The following KIFAP3 variants were observed in gnomAD, a reference collection of about 807,000 sequenced individuals.
KIFAP3 encodes the protein kinesin-associated protein 3.
Under a neutral mutation model 106.5 loss-of-function variants are expected in KIFAP3, and 68 were observed. The ratio of observed to expected loss-of-function variants is 0.64; its 90% CI spans 0.53 to 0.78. The LOEUF (loss-of-function observed/expected upper bound fraction) is 0.78. Ranked by LOEUF, KIFAP3 falls within the 30% of genes least tolerant of loss-of-function variation. The probability of loss-of-function intolerance (pLI) is 0.00; values close to 1 mark genes in which losing one functional copy is unlikely to be tolerated. For missense variants in KIFAP3, 780 were observed against 941.8 expected (o/e 0.83, Z 2.25); for synonymous variants, 320 against 311.5 (o/e 1.03, Z -0.29).
At chr1:169,960,586 C>T (rs375224022) in intron 18 of KIFAP3, among the ~76,000 whole-genome samples, 1 of 152,028 alleles carries the variant, frequency 6.6e-6, no homozygotes, top group Non-Finnish European at 1.5e-5. Context: ...GTGCCTAAAT[C>T]GTCCCCAAAG....
At chr1:170,025,401 C>A (rs1055878001) in intron 8 of KIFAP3, among the ~76,000 whole-genome samples, 2 of 151,968 alleles carry the variant, frequency 1.3e-5, no homozygotes, top group Non-Finnish European at 2.9e-5. Context: ...CTCTTGTGGC[C>A]TCATTGTTTT....
chr1:170,041,965 T>A (rs1670004027), intron 3 of KIFAP3: 2 of 800,062 alleles, frequency 2.5e-6, no homozygotes, highest in Non-Finnish European at 3.6e-6. Context: ...GAGTTCTGAC[T>A]TATCAGGGTC....
At chr1:169,988,222 A>G (rs898481955) in intron 11 of KIFAP3, among the ~76,000 whole-genome samples, 1 of 152,086 alleles carries the variant, frequency 6.6e-6, no homozygotes, top group African/African-American at 2.4e-5. Context: ...TATTCTATAA[A>G]ACACATATGT....
intron 3 of KIFAP3, among the ~76,000 whole-genome samples, chr1:170,043,518 G>A (rs1670089048): frequency 6.6e-6 from 1 of 152,142 alleles, no homozygotes; most frequent in African/African-American, 2.4e-5. Flanking sequence ...TATGATGACA[G>A]GGATATTCAC....
At chr1:170,038,731 C>T (rs545518436) in intron 4 of KIFAP3, among the ~76,000 whole-genome samples, 34 of 152,242 alleles carry the variant, frequency 2.2e-4, no homozygotes, top group African/African-American at 7.0e-4. Context: ...TATTTCAAAA[C>T]GTATTACAAT....
chr1:169,964,379 C>T (rs565912730), intron 17 of KIFAP3, among the ~76,000 whole-genome samples: 2 of 152,208 alleles, frequency 1.3e-5, no homozygotes, highest in African/African-American at 4.8e-5. Flanking sequence ...AGCCTCGGGC[C>T]AGCAATGTGG....
chr1:169,968,706 A>C (rs1165056519), intron 17 of KIFAP3, among the ~76,000 whole-genome samples: 1 of 151,812 alleles, frequency 6.6e-6, no homozygotes, highest in Non-Finnish European at 1.5e-5. Context: ...AGACTGCCCC[A>C]AGTGTTGACC....
At chr1:170,070,788 A>T (rs548615068) in intron 1 of KIFAP3, among the ~76,000 whole-genome samples, 1 of 152,368 alleles carries the variant, frequency 6.6e-6, no homozygotes, top group South Asian at 2.1e-4. Context: ...CGATGCCAAA[A>T]GCATGAGCAA....
intron 19 of KIFAP3, among the ~76,000 whole-genome samples, chr1:169,935,660 G>A (rs934815402): frequency 1.1e-4 from 17 of 151,958 alleles, no homozygotes; most frequent in Non-Finnish European, 2.2e-4. Flanking sequence ...AAGGGTGCAA[G>A]ACAGCATTTG....
At chr1:169,984,316 T>G (rs1666678338) in intron 12 of KIFAP3, among the ~76,000 whole-genome samples, 1 of 151,818 alleles carries the variant, frequency 6.6e-6, no homozygotes, top group Non-Finnish European at 1.5e-5. Flanking sequence ...AAGAAAAAGT[T>G]TCATTTTATC....
At chr1:169,981,527 A>G (rs1666523641) in intron 15 of KIFAP3, among the ~76,000 whole-genome samples, 1 of 152,122 alleles carries the variant, frequency 6.6e-6, no homozygotes, top group Non-Finnish European at 1.5e-5. Context: ...CTGTTTTATT[A>G]TTAATTATGG....
Position 170,046,940 on chromosome 1 carries a change from T to G in KIFAP3, c.165-74A>C, listed in dbSNP as rs1670289149. ...CTTCAATACTACTACTTTAAAATAA[T>G]TTATAGATTATAAATTATTATAGAG... On this transcript the variant is annotated intron_variant, in intron 2 of 19. Transcript: ENST00000361580. 5 of 798,912 alleles carry G rather than the reference T, an allele frequency of 6.3e-6. No individual in the cohort carries two copies. In the South Asian group the frequency reaches 2.0e-4, roughly 31 times the overall value. 49.5% of individuals were successfully genotyped at this position (798,912 alleles called of 1,614,324 possible).
chr1:169,939,444 A>T (rs1663988237), intron 19 of KIFAP3, among the ~76,000 whole-genome samples: 1 of 152,226 alleles, frequency 6.6e-6, no homozygotes, highest in African/African-American at 2.4e-5. Flanking sequence ...GTGAGAAATC[A>T]AAAGTTAAGT....
rs1210088930 is a variant in KIFAP3 at position 170,028,267 on chromosome 1, T to C, written c.841+3619A>G. Among the ~76,000 whole-genome samples, 6 of 152,250 alleles carry C rather than the reference T, an allele frequency of 3.9e-5. No homozygotes were observed. The East Asian group carries it at 1.2e-3, about 29-fold the overall frequency. ...AAGGAAATATATAAGATTATTTTCTTATTAAATATATCTTTAAAATAAAAT... is the reference window on the plus strand; with the variant it reads ...AAGGAAATATATAAGATTATTTTCTCATTAAATATATCTTTAAAATAAAAT... On this transcript the variant is annotated intron_variant, in intron 8 of 19. Transcript: ENST00000361580.
chr1:169,976,071 A>G (rs1233655800), intron 16 of KIFAP3, among the ~76,000 whole-genome samples: 1 of 152,150 alleles, frequency 6.6e-6, no homozygotes, highest in Non-Finnish European at 1.5e-5. Context: ...TAAGGTACTA[A>G]ATGTACATTT....
At chr1:169,990,983 A>C (rs1303865591) in intron 11 of KIFAP3, among the ~76,000 whole-genome samples, 2 of 152,138 alleles carry the variant, frequency 1.3e-5, no homozygotes, top group Non-Finnish European at 2.9e-5. Flanking sequence ...ACATAAAATT[A>C]AAATAGTTAT....
upstream of KIFAP3, among the ~76,000 whole-genome samples, chr1:170,074,967 G>T (rs1370203029): frequency 2.0e-5 from 3 of 152,216 alleles, no homozygotes; most frequent in Non-Finnish European, 2.9e-5. Context: ...GCTAATAAGG[G>T]AGGTTTCTAT....
chr1:170,024,710 T>C (rs1306718208), intron 8 of KIFAP3, 114 bp from the exon 9 acceptor site: 5 of 558,408 alleles, frequency 9.0e-6, no homozygotes, highest in Non-Finnish European at 1.4e-5. Flanking sequence ...TAATATATTA[T>C]TTTGAAAATT....
At chr1:169,944,984 C>T (rs1424375049) in intron 19 of KIFAP3, among the ~76,000 whole-genome samples, 1 of 152,160 alleles carries the variant, frequency 6.6e-6, no homozygotes, top group Non-Finnish European at 1.5e-5. Flanking sequence ...TGGGGTTTCA[C>T]TGGGGATTCA....
Sources: allele counts gnomAD v4.1 joint callset (sites outside exome capture counted in the v4.1 genomes callset), GRCh38; gene constraint gnomAD v4.1.1; transcripts MANE v1.5; gene names NCBI Gene and HGNC (gene_info 2026-07-23, HGNC 2026-07-21).